The following PHF3 variants were observed in gnomAD, a reference collection of about 807,000 sequenced individuals.
The protein encoded by PHF3 is PHD finger protein 3.
Under a neutral mutation model 178.4 loss-of-function variants are expected in PHF3, and 41 were observed. The ratio of observed to expected loss-of-function variants is 0.23; its 90% CI spans 0.18 to 0.30. PHF3 has a LOEUF of 0.30. Ranked by LOEUF, PHF3 falls within the 10% of genes least tolerant of loss-of-function variation. The pLI, the probability that PHF3 is intolerant of heterozygous loss-of-function variation, is 1.00. For missense variants in PHF3, 2,346 were observed against 2,398.1 expected, an observed-to-expected ratio of 0.98 and a Z score of 0.45; for synonymous variants, 842 against 800.5, an observed-to-expected ratio of 1.05 and a Z score of -0.88.
rs532626259 is a variant in PHF3 at position 63,705,929 on chromosome 6, A to G, written c.3368-100A>G. 50 of 852,110 alleles carry G rather than the reference A, an allele frequency of 5.9e-5. No homozygotes were observed. In the South Asian group the frequency reaches 8.0e-4, roughly 14 times the overall value. 52.8% of individuals were successfully genotyped at this position (852,110 alleles called of 1,614,324 possible). ...CCAGGAAATGTATGGTTACTCAGCA[A>G]TTGAATCATAGAACCTGAATAACTT... is the stretch of plus-strand genomic sequence containing the variant. On this transcript the variant is annotated intron_variant, in intron 11 of 15. Transcript: ENST00000262043.
chr6:63,708,196 C>A (rs1312890744), intron 13 of PHF3, among the ~76,000 whole-genome samples: 1 of 152,078 alleles, frequency 6.6e-6, no homozygotes, highest in Non-Finnish European at 1.5e-5. Flanking sequence ...AATAAACAGA[C>A]TAATCACTTT....
At chr6:63,696,994 A>AT (rs955773267) in intron 6 of PHF3, among the ~76,000 whole-genome samples, 26 of 150,686 alleles carry the variant, frequency 1.7e-4, no homozygotes, top group East Asian at 3.9e-4. Context: ...GTGGATGTGA[A>AT]TTTTTTTTTT....
chr6:63,650,123 T>G (rs3800491), intron 2 of PHF3, among the ~76,000 whole-genome samples: 11,973 of 152,246 alleles, frequency 0.079, 538 homozygotes, highest in East Asian at 0.16. Context: ...CTTTAGTTTT[T>G]ACAATATAGT....
At chr6:63,694,063 C>G (rs1390709150) in intron 5 of PHF3, among the ~76,000 whole-genome samples, 1 of 152,172 alleles carries the variant, frequency 6.6e-6, no homozygotes, top group Non-Finnish European at 1.5e-5. Flanking sequence ...CTCTCCCTGT[C>G]TTTCAGGAAC....
In PHF3 at chr6:63,721,736, G is replaced by A. The variant is rs755694301; in HGVS notation, c.*8028G>A. On this transcript the variant is annotated 3_prime_UTR_variant, in exon 16 of 16. Coordinates refer to ENST00000262043, the MANE Select transcript of PHF3 (RefSeq NM_001370348.2). ...GGAGAGTTTCTAGAATGATAGTTCT[G>A]TCGCCAAGGTTGTAGCGAAGTTGAA... 6 of 1,550,462 alleles carry A rather than the reference G, an allele frequency of 3.9e-6. No individual in the cohort carries two copies. Among genetic ancestry groups the A allele is most frequent in the Non-Finnish European group, 2.6e-6 (3 of 1,146,026 alleles).
intron 2 of PHF3, among the ~76,000 whole-genome samples, chr6:63,659,046 A>C (rs1473516749): frequency 1.3e-5 from 2 of 152,084 alleles, no homozygotes; most frequent in African/African-American, 4.8e-5. Context: ...TTAAATGTTA[A>C]TTATTTAAAA....
chr6:63,715,947 CCTG>C lies in PHF3; in HGVS notation c.*2242_*2244del, dbSNP rs781668804. ...CAGTTTCTCCTGTTTTAAGAAAAAA[CCTG>C]CTCTTTAAAAAAAGTTTTACACTTA... On this transcript the variant is annotated 3_prime_UTR_variant, in exon 16 of 16. Transcript: ENST00000262043. 4.7e-4 allele frequency among the ~76,000 whole-genome samples: 71 copies of C among 152,126 alleles called. No individual in the cohort carries two copies. Among genetic ancestry groups the C allele is most frequent in the South Asian group, 1.0e-3 (5 of 4,820 alleles).
At chr6:63,705,951 A>G in intron 11 of PHF3, 78 bp from the exon 12 acceptor site, 1 of 1,120,044 alleles carries the variant, frequency 8.9e-7, no homozygotes, top group Non-Finnish European at 1.3e-6. Context: ...AACCTGAATA[A>G]CTTTAGAAAG....
intron 7 of PHF3, 28 bp from the exon 8 acceptor site, chr6:63,698,421 A>G (rs766847805): frequency 6.3e-6 from 10 of 1,586,036 alleles, no homozygotes; most frequent in Non-Finnish European, 8.6e-6. Flanking sequence ...ATACATTTGA[A>G]AAATAATTGA....
chr6:63,693,598 GA>G, intron 5 of PHF3, among the ~76,000 whole-genome samples: 1 of 152,304 alleles, frequency 6.6e-6, no homozygotes, highest in Non-Finnish European at 1.5e-5. Flanking sequence ...GCAAAAGAGT[GA>G]AACTCCGTCT....
At position 63,646,567 on chromosome 6, in the gene PHF3, A is replaced by G. The variant is rs777324535; in HGVS notation, c.16A>G (p.Thr6Ala). ...AGAAGTCTTCATGGATATAGTTGAT[A>G]CATTTAATCATTTAATTCCTACTGA... MDIVD[T>A]FNHLIPTEHL... is the part of the protein sequence containing the mutation. Residue 6 changes from threonine to alanine, a missense_variant, in exon 2 of 16, where the codon ACA becomes GCA. Physicochemically the swap from Thr to Ala is moderately conservative, Grantham distance 58. Coordinates refer to ENST00000262043, the MANE Select transcript of PHF3 (RefSeq NM_001370348.2). 1.2e-6 allele frequency: 2 copies of G among 1,610,454 alleles called. No homozygotes were observed.
At chr6:63,648,339 G>A (rs1273703453) in intron 2 of PHF3, among the ~76,000 whole-genome samples, 1 of 152,140 alleles carries the variant, frequency 6.6e-6, no homozygotes, top group Non-Finnish European at 1.5e-5. Flanking sequence ...GTGTTTGGTT[G>A]TATGCTGACT....
At chr6:63,675,663 C>T (rs532188082) in intron 2 of PHF3, among the ~76,000 whole-genome samples, 1 of 152,254 alleles carries the variant, frequency 6.6e-6, no homozygotes, top group South Asian at 2.1e-4. Context: ...CTTTGAGAAA[C>T]ATCTCAAATG....
chr6:63,651,080 T>G (rs1765000191), intron 2 of PHF3, among the ~76,000 whole-genome samples: 2 of 152,238 alleles, frequency 1.3e-5, no homozygotes, highest in Admixed American at 1.3e-4. Context: ...CATTAATAAC[T>G]TATTTTTGAG....
chr6:63,695,178 AT>A (rs1352956474), intron 6 of PHF3, among the ~76,000 whole-genome samples: 2 of 152,066 alleles, frequency 1.3e-5, no homozygotes, highest in Non-Finnish European at 2.9e-5. Context: ...GGGTGCAAAG[AT>A]TTTTGGAGGA....
chr6:63,646,390 A>G, intron 1 of PHF3, 137 bp from the exon 2 acceptor site: 1 of 519,616 alleles, frequency 1.9e-6, no homozygotes, highest in East Asian at 3.4e-5. Context: ...AAAACAAGTG[A>G]GGATTTTTTT....
rs1768182323 is a variant in PHF3 at position 63,716,131 on chromosome 6, C to CT, written c.*2425dup. Reference sequence around the variant, plus strand: ...TGTAAGGCATCCCTGGTTTTGAGCACTTAGTATAAACATTGGTCAACTCAA... The same window carrying CT: ...TGTAAGGCATCCCTGGTTTTGAGCACTTTAGTATAAACATTGGTCAACTCAA... On this transcript the variant is annotated 3_prime_UTR_variant, in exon 16 of 16. Coordinates refer to ENST00000262043, the MANE Select transcript of PHF3 (RefSeq NM_001370348.2). 6.6e-6 allele frequency among the ~76,000 whole-genome samples: 1 copy of CT among 152,090 alleles called. No individual in the cohort carries two copies. Among genetic ancestry groups the CT allele is most frequent in the East Asian group, 1.9e-4 (1 of 5,190 alleles).
Position 63,684,459 on chromosome 6 carries a change from T to C in PHF3, c.737T>C (p.Ile246Thr), listed in dbSNP as rs181643726. The change falls in exon 4 of 16, where the codon ATA becomes ACA. Residue 246 changes from isoleucine (I) to threonine (T), a missense_variant. Around this residue, in one of 8 missense-constraint regions of PHF3, gnomAD observed 843 missense variants for 795.2 expected, o/e 1.06. Transcript: ENST00000262043. Reference sequence around the variant, plus strand: ...CATAAGTGTAATAATCCGGGAGAAATAGATGTGCCATCTCATGAATTAAAT... The same window carrying C: ...CATAAGTGTAATAATCCGGGAGAAACAGATGTGCCATCTCATGAATTAAAT... ...SKHKCNNPGEIDVPSHELNCS... is the reference protein window; with the variant it reads ...SKHKCNNPGETDVPSHELNCS... The C allele has an allele frequency of 4.9e-5, 79 of 1,613,724 alleles. 1 individual carries two copies. The Middle Eastern group carries it at 4.9e-4, about 10-fold the overall frequency.
rs1304971608 is a variant in PHF3, at chr6:63,713,221, A to G, written c.5633A>G (p.Tyr1878Cys). 2 of 1,614,104 alleles carry G rather than the reference A, an allele frequency of 1.2e-6. No individual in the cohort carries two copies. The highest frequency in any genetic ancestry group is 1.7e-5 in the Admixed American group (1 of 60,008). ...MMGPLSQASR[Y>C]IGPQNFYQVK... ...GGTCCTCTCTCACAAGCATCAAGGT[A>G]TATAGGCCCGCAGAATTTTTACCAG... The change falls in exon 16 of 16, where the codon TAT (tyrosine) becomes TGT (cysteine). Residue 1878 changes from tyrosine (Y) to cysteine (C), a missense_variant. By Grantham distance (194) the Tyr-to-Cys change is radical (BLOSUM62 -2). Transcript: ENST00000262043.
Sources: allele counts gnomAD v4.1 joint callset (sites outside exome capture counted in the v4.1 genomes callset), GRCh38; gene constraint gnomAD v4.1.1; regional missense constraint gnomAD v4.1.1; transcripts MANE v1.5; gene names NCBI Gene and HGNC (gene_info 2026-07-23, HGNC 2026-07-21).